Variants in TBC1D4 observed in about 807,000 individuals in gnomAD.
TBC1D4 encodes TBC1 domain family member 4.
A neutral mutation model predicts 142.5 loss-of-function variants in TBC1D4; 121 were observed. That is an observed-to-expected ratio of 0.85 (90% CI 0.73 to 0.99). The LOEUF is 0.99. Among genes scored for constraint, TBC1D4 ranks in the 50% least tolerant of loss-of-function variants. The pLI is 0.00. For missense variants in TBC1D4, 1,475 were observed against 1,606.6 expected, an observed-to-expected ratio of 0.92 and a Z score of 1.40; for synonymous variants, 630 against 628.2, an observed-to-expected ratio of 1.00 and a Z score of -0.04.
At chr13:75,424,084 G>A (rs142156934) in intron 1 of TBC1D4, among the ~76,000 whole-genome samples, 1 of 152,260 alleles carries the variant, frequency 6.6e-6, no homozygotes, top group East Asian at 1.9e-4. Context: ...GCAACACAGT[G>A]AGACCTTATC....
chr13:75,466,951 T>C (rs575470389), intron 1 of TBC1D4, among the ~76,000 whole-genome samples: 12 of 152,110 alleles, frequency 7.9e-5, no homozygotes, highest in African/African-American at 2.6e-4. Context: ...ACAGGACATA[T>C]ATATGTCAGT....
At chr13:75,389,113 A>G (rs2138291751) in intron 1 of TBC1D4, among the ~76,000 whole-genome samples, 1 of 152,348 alleles carries the variant, frequency 6.6e-6, no homozygotes, top group South Asian at 2.1e-4. Context: ...CCCATCATCT[A>G]TTCTGGGTTC....
intron 15 of TBC1D4, chr13:75,302,680 AG>A: frequency 2.3e-5 from 11 of 481,534 alleles, no homozygotes; most frequent in Non-Finnish European, 4.2e-5. Flanking sequence ...ACATTTATTG[AG>A]GGTGCCTAGC....
chr13:75,288,015 A>G lies in TBC1D4; in HGVS notation c.3663+919T>C, dbSNP rs113424683. Among the ~76,000 whole-genome samples, 539 of 152,326 alleles carry G rather than the reference A, an allele frequency of 3.5e-3. 4 individuals carry two copies. Among genetic ancestry groups the G allele is most frequent in the African/African-American group, 0.012 (512 of 41,588 alleles). ...GCCCCTCCCCTCAGGGCATGGCTACATAGCACACATCATACAAGTTGCAAA... is the reference window on the plus strand; with the variant it reads ...GCCCCTCCCCTCAGGGCATGGCTACGTAGCACACATCATACAAGTTGCAAA... On this transcript the variant is annotated intron_variant, in intron 20 of 20. Coordinates refer to ENST00000377636, the MANE Select transcript of TBC1D4 (RefSeq NM_014832.5).
chr13:75,387,295 G>A (rs1394321965), intron 1 of TBC1D4, among the ~76,000 whole-genome samples: 2 of 152,064 alleles, frequency 1.3e-5, no homozygotes, highest in Non-Finnish European at 2.9e-5. Context: ...ATGGAAAAGG[G>A]CAAATTTTCA....
At chr13:75,355,967 A>G (rs555545631) in intron 4 of TBC1D4, among the ~76,000 whole-genome samples, 180 bp downstream of exon 4, 76 of 152,334 alleles carry the variant, frequency 5.0e-4, no homozygotes, top group African/African-American at 1.5e-3. Flanking sequence ...ATATTTTACC[A>G]TGACAATTTG....
At chr13:75,302,110 G>T in intron 16 of TBC1D4, 133 bp downstream of exon 16, 1 of 1,100,338 alleles carries the variant, frequency 9.1e-7, no homozygotes, top group Non-Finnish European at 1.3e-6. Flanking sequence ...CCTCAGTAAA[G>T]GACAAAGTCA....
At chr13:75,372,197 T>C (rs941989861) in intron 1 of TBC1D4, among the ~76,000 whole-genome samples, 3 of 152,224 alleles carry the variant, frequency 2.0e-5, no homozygotes, top group African/African-American at 7.2e-5. Context: ...GCATTTTCAA[T>C]GTGAGATCAG....
intron 4 of TBC1D4, among the ~76,000 whole-genome samples, chr13:75,351,225 C>T (rs1881559157): frequency 6.6e-6 from 1 of 152,116 alleles, no homozygotes. Flanking sequence ...AACATTTACA[C>T]TATATATCAA....
At chr13:75,314,971 C>A (rs1593914171) in intron 12 of TBC1D4, among the ~76,000 whole-genome samples, 2 of 151,510 alleles carry the variant, frequency 1.3e-5, no homozygotes, top group Admixed American at 6.6e-5. Flanking sequence ...CAGAGCGAGG[C>A]TCCATGTCAA....
At chr13:75,434,950 T>C (rs1219002071) in intron 1 of TBC1D4, among the ~76,000 whole-genome samples, 3 of 149,628 alleles carry the variant, frequency 2.0e-5, no homozygotes. Flanking sequence ...GCATTCGAGA[T>C]TGGCCTGGCC....
intron 3 of TBC1D4, 131 bp from the exon 4 acceptor site, chr13:75,356,382 G>T: frequency 1.4e-6 from 1 of 725,602 alleles, no homozygotes. Context: ...ATGAAGGGGG[G>T]ACATAATGCC....
chr13:75,383,278 G>A (rs184497319), intron 1 of TBC1D4, among the ~76,000 whole-genome samples: 2 of 152,254 alleles, frequency 1.3e-5, no homozygotes, highest in Admixed American at 1.3e-4. Flanking sequence ...AGCTGAGATT[G>A]CGCCACTACA....
intron 12 of TBC1D4, among the ~76,000 whole-genome samples, chr13:75,317,024 A>G (rs111847204): frequency 1.1e-3 from 175 of 152,236 alleles, no homozygotes; most frequent in Non-Finnish European, 2.2e-3. Context: ...CCTCACAGCA[A>G]CCTTGCAAGG....
chr13:75,432,149 G>C (rs888236540), intron 1 of TBC1D4, among the ~76,000 whole-genome samples: 1 of 151,970 alleles, frequency 6.6e-6, no homozygotes, highest in African/African-American at 2.4e-5. Context: ...TGTGGAGTTG[G>C]CTTTACAGAC....
chr13:75,461,303 G>GA (rs1887956864), intron 1 of TBC1D4, among the ~76,000 whole-genome samples: 2 of 152,198 alleles, frequency 1.3e-5, no homozygotes, highest in East Asian at 3.9e-4. Flanking sequence ...GGGCTTAAGA[G>GA]AAAAAAGATG....
intron 8 of TBC1D4, among the ~76,000 whole-genome samples, chr13:75,328,201 C>T (rs1410413480): frequency 1.4e-4 from 21 of 152,230 alleles, no homozygotes; most frequent in Admixed American, 1.3e-3. Context: ...TGACTTAATA[C>T]ATACAACCTA....
intron 1 of TBC1D4, among the ~76,000 whole-genome samples, chr13:75,431,349 T>C (rs1886586111): frequency 6.6e-6 from 1 of 152,232 alleles, no homozygotes; most frequent in African/African-American, 2.4e-5. Flanking sequence ...TTTGTACTAT[T>C]TTCTTTAACT....
In TBC1D4 at chr13:75,349,214, G is replaced by A. The variant is rs891766873; in HGVS notation, c.1364C>T (p.Ala455Val). 1.2e-6 allele frequency: 2 copies of A among 1,613,940 alleles called. No individual in the cohort carries two copies. The highest frequency in any genetic ancestry group is 2.2e-5 in the East Asian group (1 of 44,884). The part of the protein sequence containing the change: ...SAKTQIKLCE[A>V]CPMHSLHKLC... Reference sequence around the variant, plus strand: ...CTTATGCAAAGAGTGCATCGGGCAGGCCTCACACAGTTTAATCTGCGTCTT... The same window carrying A: ...CTTATGCAAAGAGTGCATCGGGCAGACCTCACACAGTTTAATCTGCGTCTT... The change falls in exon 5 of 21, where the codon GCC becomes GTC. Residue 455 changes from alanine to valine, a missense_variant. Transcript: ENST00000377636.
Sources: allele counts gnomAD v4.1 joint callset (sites outside exome capture counted in the v4.1 genomes callset), GRCh38; gene constraint gnomAD v4.1.1; transcripts MANE v1.5; gene names NCBI Gene and HGNC (gene_info 2026-07-23, HGNC 2026-07-21).